FSTL3: variants seen among roughly 807,000 people sequenced by gnomAD.
FSTL3 encodes the protein follistatin-related protein 3.
Under a neutral mutation model 28.1 loss-of-function variants are expected in FSTL3, and 21 were observed. That is an observed-to-expected ratio of 0.75 (90% CI 0.53 to 1.08). FSTL3 has a LOEUF of 1.08. Ranked by LOEUF, FSTL3 falls within the 50% of genes least tolerant of loss-of-function variation. The pLI is 0.00. For missense variants in FSTL3, 400 were observed against 380.9 expected, an observed-to-expected ratio of 1.05 and a Z score of -0.42; for synonymous variants, 199 against 164.2, an observed-to-expected ratio of 1.21 and a Z score of -1.62.
rs753134505 is a variant in FSTL3 at position 681,547 on chromosome 19, G to A, written c.720G>A (p.Ala240=). 6.2e-6 allele frequency: 10 copies of A among 1,607,128 alleles called. No individual in the cohort carries two copies. Among genetic ancestry groups the A allele is most frequent in the African/African-American group, 2.7e-5 (2 of 74,882 alleles). ...GCCGCTCCATCGGCGTGCGCCACGC[G>A]GGCAGCTGCGCAGGTGCAGACGCAG... is the stretch of plus-strand genomic sequence containing the variant. ...FLGRSIGVRH[A]GSCAGTPEEP... The change falls in exon 4 of 5, where the codon GCG becomes GCA. Residue 240 remains alanine, a synonymous_variant. Transcript: ENST00000166139.
chr19:676,838 G>A (rs1480588945), intron 1 of FSTL3, among the ~76,000 whole-genome samples: 1 of 152,164 alleles, frequency 6.6e-6, no homozygotes. Flanking sequence ...TGAGGCTCAG[G>A]GTCACACAGC....
At chr19:677,730 G>A (rs2144797395) in intron 1 of FSTL3, 62 bp from the exon 2 acceptor site, 1 of 1,476,738 alleles carries the variant, frequency 6.8e-7, no homozygotes, top group Non-Finnish European at 9.1e-7. Flanking sequence ...TGCATCTGTG[G>A]GCGGGCCAGA....
Position 681,885 on chromosome 19 carries a change from T to C in FSTL3, c.*177T>C. 1 of 648,546 alleles carries C rather than the reference T, an allele frequency of 1.5e-6. No homozygotes were observed. Among genetic ancestry groups the C allele is most frequent in the Non-Finnish European group, 2.7e-6 (1 of 371,958 alleles). The allele number at this position is 648,546 out of a possible 1,614,324, so 40.2% of individuals were successfully genotyped here. On this transcript the variant is annotated 3_prime_UTR_variant, in exon 5 of 5. Coordinates refer to ENST00000166139, the MANE Select transcript of FSTL3 (RefSeq NM_005860.3). ...CTGGAAGGACTGAGGAAGGGAGGCC[T>C]GGGGGCCGGCTGGTGGGTGGGATAG...
At position 680,330 on chromosome 19, in the gene FSTL3, C is replaced by T; in HGVS notation, c.346C>T (p.Arg116Cys). 1.6e-6 allele frequency: 2 copies of T among 1,281,218 alleles called. No individual in the cohort carries two copies. The highest frequency in any genetic ancestry group is 9.8e-7 in the Non-Finnish European group (1 of 1,018,732). 79.4% of individuals were successfully genotyped at this position (1,281,218 alleles called of 1,614,324 possible). The change falls in exon 3 of 5, where the codon CGC (arginine) becomes TGC (cysteine). Residue 116 changes from arginine (R) to cysteine (C), a missense_variant. Arg to Cys is a radical substitution (Grantham distance 180). Transcript: ENST00000166139. ...CAAGGCGTGCCGCATGCTGGGGGGC[C>T]GCCCGCGCTGCGAGTGCGCGCCCGA... ...PGKACRMLGG[R>C]PRCECAPDCS...
chr19:677,337 C>T (rs867189807), intron 1 of FSTL3, among the ~76,000 whole-genome samples: 4 of 152,196 alleles, frequency 2.6e-5, no homozygotes, highest in East Asian at 1.9e-4. Context: ...GAGTAAGAGG[C>T]GGGCCAGGCG....
At chr19:677,577 T>C (rs988060984) in intron 1 of FSTL3, among the ~76,000 whole-genome samples, 1 of 32,192 alleles carries the variant, frequency 3.1e-5, no homozygotes, top group Non-Finnish European at 6.6e-5. Context: ...GGTGAGGCTG[T>C]GGGGGGGGGC....
intron 2 of FSTL3, chr19:678,200 C>A: frequency 1.8e-6 from 1 of 550,040 alleles, no homozygotes; most frequent in Non-Finnish European, 3.2e-6. Flanking sequence ...GTGGCTCCAG[C>A]CTTTGCTGGG....
chr19:682,320 G>A lies in FSTL3; in HGVS notation c.*612G>A, dbSNP rs1325801903. The A allele has an allele frequency of 8.0e-6, 2 of 249,200 alleles. No homozygotes were observed. The highest frequency in any genetic ancestry group is 4.6e-5 in the African/African-American group (2 of 43,480). The allele number at this position is 249,200 out of a possible 1,614,324, so 15.4% of individuals were successfully genotyped here. A position where few individuals can be genotyped will look rare whatever the true frequency, so the allele number is the denominator to read the frequency against. On this transcript the variant is annotated 3_prime_UTR_variant, in exon 5 of 5. Transcript: ENST00000166139. ...TGAGTATGGAGGGTCTAGCCTGGGT[G>A]TGTATGGAGGGTCTAGCCTGGGTGA...
chr19:677,386 G>A (rs938688983), intron 1 of FSTL3, among the ~76,000 whole-genome samples: 16 of 152,010 alleles, frequency 1.1e-4, no homozygotes, highest in Admixed American at 7.9e-4. Flanking sequence ...GCGTGCCCTC[G>A]CCCTCGGGTG....
At chr19:680,620 A>G (rs2031310938) in intron 3 of FSTL3, 131 bp downstream of exon 3, 3 of 453,566 alleles carry the variant, frequency 6.6e-6, no homozygotes, top group Non-Finnish European at 9.9e-6. Context: ...AGCGTGACGT[A>G]TCGGGGCTGC....
chr19:676,730 TTTA>T (rs1345702709), intron 1 of FSTL3, among the ~76,000 whole-genome samples: 1 of 152,022 alleles, frequency 6.6e-6, no homozygotes, highest in East Asian at 1.9e-4. Context: ...ACCGCTGACA[TTTA>T]TTGAGCGCTT....
rs767538118 is a variant in FSTL3 at position 682,819 on chromosome 19, C to G, written c.*1111C>G. The G allele has an allele frequency of 4.3e-5, 10 of 232,938 alleles. No individual in the cohort carries two copies. Among genetic ancestry groups the G allele is most frequent in the Non-Finnish European group, 6.8e-5 (8 of 117,930 alleles). 14.4% of individuals were successfully genotyped at this position (232,938 alleles called of 1,614,324 possible). On this transcript the variant is annotated 3_prime_UTR_variant, in exon 5 of 5. Transcript: ENST00000166139. ...GAGCTCTGGCGGGGACCACGGGCCACTGCTCACCCACTGGCCCCGAGGGGG... is the reference window on the plus strand; with the variant it reads ...GAGCTCTGGCGGGGACCACGGGCCAGTGCTCACCCACTGGCCCCGAGGGGG...
chr19:677,948 T>G lies in FSTL3; in HGVS notation c.260T>G (p.Leu87Trp). The G allele has an allele frequency of 6.2e-7, 1 of 1,613,420 alleles. No homozygotes were observed. The highest frequency in any genetic ancestry group is 1.1e-5 in the South Asian group (1 of 91,080). The change falls in exon 2 of 5, where the codon TTG becomes TGG. Residue 87 changes from leucine to tryptophan, a missense_variant. Coordinates refer to ENST00000166139, the MANE Select transcript of FSTL3 (RefSeq NM_005860.3). Reference sequence around the variant, plus strand: ...AACAAGATCAACCTCCTCGGCTTCTTGGGCCTTGTCCACTGCCTTCCCTGC... The same window carrying G: ...AACAAGATCAACCTCCTCGGCTTCTGGGGCCTTGTCCACTGCCTTCCCTGC... The part of the protein sequence containing the change: ...PGNKINLLGF[L>W]GLVHCLPCKD...
intron 1 of FSTL3, among the ~76,000 whole-genome samples, chr19:677,152 C>G (rs1023564993): frequency 2.0e-5 from 3 of 152,168 alleles, no homozygotes; most frequent in Non-Finnish European, 2.9e-5. Context: ...TGTGGCCGTT[C>G]CTGCCCCCAG....
At chr19:679,537 C>T (rs2031280386) in intron 2 of FSTL3, among the ~76,000 whole-genome samples, 2 of 152,216 alleles carry the variant, frequency 1.3e-5, no homozygotes, top group South Asian at 4.1e-4. Flanking sequence ...GTGCTTGGGC[C>T]CCTGCACTCA....
Position 680,366 on chromosome 19 carries a change from C to A in FSTL3, c.382C>A (p.Leu128Ile). ...CGAGTGCGCGCCCGACTGCTCGGGG[C>A]TCCCGGCGCGGCTGCAGGTCTGCGG... is the stretch of plus-strand genomic sequence containing the variant. ...RCECAPDCSG[L>I]PARLQVCGSD... The change falls in exon 3 of 5, where the codon CTC becomes ATC. Residue 128 changes from leucine (L) to isoleucine (I), a missense_variant. By Grantham distance (5) the Leu-to-Ile change is conservative (BLOSUM62 2). Coordinates refer to ENST00000166139, the MANE Select transcript of FSTL3 (RefSeq NM_005860.3). The A allele has an allele frequency of 7.8e-7, 1 of 1,281,078 alleles. No individual in the cohort carries two copies. Among genetic ancestry groups the A allele is most frequent in the Non-Finnish European group, 9.8e-7 (1 of 1,016,676 alleles). 79.4% of individuals were successfully genotyped at this position (1,281,078 alleles called of 1,614,324 possible). A position where few individuals can be genotyped will look rare whatever the true frequency, so the allele number is the denominator to read the frequency against.
Position 681,394 on chromosome 19 carries a change from C to G in FSTL3, c.567C>G (p.Ser189Arg), listed in dbSNP as rs1202906986. The change falls in exon 4 of 5, where the codon AGC (serine) becomes AGG (arginine). Residue 189 changes from serine (S) to arginine (R), a missense_variant. Coordinates refer to ENST00000166139, the MANE Select transcript of FSTL3 (RefSeq NM_005860.3). ...CGTGCGTCGTGGACCAGACGGGCAG[C>G]GCCCACTGCGTGGTGTGTCGAGCGG... ...PQSCVVDQTG[S>R]AHCVVCRAAP... 1.9e-6 allele frequency: 3 copies of G among 1,593,722 alleles called. No individual in the cohort carries two copies. The highest frequency in any genetic ancestry group is 1.6e-4 in the Middle Eastern group (1 of 6,076).
chr19:680,592 C>T (rs965162601), intron 3 of FSTL3, 103 bp downstream of exon 3: 36 of 267,624 alleles, frequency 1.3e-4, no homozygotes, highest in Admixed American at 2.1e-4. Context: ...GGGCCTGGGG[C>T]GGGACCACCC....
intron 3 of FSTL3, among the ~76,000 whole-genome samples, 181 bp from the exon 4 acceptor site, chr19:681,152 C>A (rs1156898443): frequency 1.1e-5 from 1 of 88,362 alleles, no homozygotes; most frequent in Non-Finnish European, 2.2e-5. Context: ...AAGGGCAGGG[C>A]TTGTGGGTGG....
Sources: allele counts gnomAD v4.1 joint callset (sites outside exome capture counted in the v4.1 genomes callset), GRCh38; gene constraint gnomAD v4.1.1; transcripts MANE v1.5; gene names NCBI Gene and HGNC (gene_info 2026-07-23, HGNC 2026-07-21).